The following MAN2B2 variants were observed in gnomAD, a reference collection of about 807,000 sequenced individuals.
MAN2B2 encodes the protein epididymis-specific alpha-mannosidase.
MAN2B2 carries 106 observed loss-of-function variants against 117.1 expected under a neutral mutation model. The ratio of observed to expected loss-of-function variants is 0.90; its 90% CI spans 0.77 to 1.06. The LOEUF is 1.06. Ranked by LOEUF, MAN2B2 falls within the 50% of genes least tolerant of loss-of-function variation. The pLI is 0.00. For synonymous variants in MAN2B2, 544 were observed against 595.1 expected (o/e 0.91, Z 1.25); for missense variants, 1,326 against 1,381.4 (o/e 0.96, Z 0.64).
At chr4:6,587,282 C>T (rs1726675118) in intron 4 of MAN2B2, 114 bp downstream of exon 4, 2 of 1,328,184 alleles carry the variant, frequency 1.5e-6, no homozygotes, top group Non-Finnish European at 2.0e-6. Context: ...AAATTCTTGG[C>T]AGCTGCATAG....
At chr4:6,595,492 G>C (rs1035178750) in intron 7 of MAN2B2, among the ~76,000 whole-genome samples, 1 of 152,206 alleles carries the variant, frequency 6.6e-6, no homozygotes, top group Non-Finnish European at 1.5e-5. Context: ...GGAAGTCCAA[G>C]GTGGAGGGCT....
At chr4:6,615,221 T>A (rs10049503) in intron 16 of MAN2B2, among the ~76,000 whole-genome samples, 1 of 151,624 alleles carries the variant, frequency 6.6e-6, no homozygotes, top group Non-Finnish European at 1.5e-5. Context: ...CATAGGAAGA[T>A]CCTGTGTCTA....
intron 6 of MAN2B2, 138 bp from the exon 7 acceptor site, chr4:6,594,396 T>C: frequency 2.8e-6 from 2 of 725,174 alleles, no homozygotes; most frequent in Non-Finnish European, 4.7e-6. Flanking sequence ...AAGCCACTGC[T>C]ATGGGAGCTG....
chr4:6,619,626 A>G, intron 17 of MAN2B2: 2 of 314,228 alleles, frequency 6.4e-6, no homozygotes, highest in Admixed American at 4.6e-5. Flanking sequence ...GGGAGAGGAG[A>G]ACTCCGCGGT....
At chr4:6,580,344 G>C (rs1002846998) in intron 3 of MAN2B2, among the ~76,000 whole-genome samples, 6 of 152,144 alleles carry the variant, frequency 3.9e-5, no homozygotes, top group Admixed American at 3.3e-4. Flanking sequence ...CTTGCCCTCA[G>C]CCGCCTGCTG....
chr4:6,581,816 A>G (rs1577272648), intron 3 of MAN2B2, among the ~76,000 whole-genome samples: 1 of 151,138 alleles, frequency 6.6e-6, no homozygotes, highest in Non-Finnish European at 1.5e-5. Context: ...CCGTAAGCTC[A>G]CCTTTCCAGC....
intron 11 of MAN2B2, among the ~76,000 whole-genome samples, chr4:6,608,412 C>A (rs1225283255): frequency 6.6e-6 from 1 of 152,230 alleles, no homozygotes; most frequent in Non-Finnish European, 1.5e-5. Context: ...GACTCAGATA[C>A]AAATACATCA....
intron 5 of MAN2B2, among the ~76,000 whole-genome samples, chr4:6,591,791 C>A (rs534884574): frequency 3.5e-4 from 53 of 152,196 alleles, no homozygotes; most frequent in African/African-American, 1.1e-3. Flanking sequence ...CAGGACCCCC[C>A]GGGGGCAGAG....
In MAN2B2 at chr4:6,609,637, G is replaced by T. The variant is rs897136915; in HGVS notation, c.2007-161G>T. The T allele has an allele frequency of 1.2e-4, 103 of 895,474 alleles. No homozygotes were observed. In the African/African-American group the frequency reaches 1.5e-3, roughly 13 times the overall value. The allele number at this position is 895,474 out of a possible 1,614,324, so 55.5% of individuals were successfully genotyped here. A position where few individuals can be genotyped will look rare whatever the true frequency, so the allele number is the denominator to read the frequency against. On this transcript the variant is annotated intron_variant, in intron 12 of 18. Transcript: ENST00000285599. ...GGAACCAGGCTGCTCCCAGCCGCTC[G>T]GGGTCCTGGGTGGTGCTATTGTCCA... is the stretch of plus-strand genomic sequence containing the variant.
At chr4:6,611,572 T>C (rs1159734286) in intron 15 of MAN2B2, among the ~76,000 whole-genome samples, 1 of 152,214 alleles carries the variant, frequency 6.6e-6, no homozygotes, top group East Asian at 1.9e-4. Context: ...TTTCCTTTCT[T>C]AATATGACAT....
chr4:6,593,134 A>G (rs773733757), intron 5 of MAN2B2, 39 bp from the exon 6 acceptor site: 1 of 1,600,990 alleles, frequency 6.2e-7, no homozygotes, highest in South Asian at 1.1e-5. Context: ...CTGTCCACAG[A>G]GTTCGTGTCT....
chr4:6,613,423 T>C (rs896650058), intron 15 of MAN2B2, among the ~76,000 whole-genome samples: 11 of 151,752 alleles, frequency 7.2e-5, no homozygotes, highest in Non-Finnish European at 1.2e-4. Context: ...TACAAAAAAA[T>C]TTTTAAAAAT....
intron 9 of MAN2B2, among the ~76,000 whole-genome samples, chr4:6,600,048 G>A (rs1444312480): frequency 6.6e-6 from 1 of 152,238 alleles, no homozygotes; most frequent in Admixed American, 6.5e-5. Context: ...AGGCAGGGAG[G>A]CTGGAAGTAT....
intron 11 of MAN2B2, among the ~76,000 whole-genome samples, chr4:6,607,433 G>A (rs1727596419): frequency 6.6e-6 from 1 of 152,140 alleles, no homozygotes; most frequent in Admixed American, 6.5e-5. Flanking sequence ...TCAAACTCCT[G>A]AGCTCAAGTG....
chr4:6,600,604 G>A lies in MAN2B2; in HGVS notation c.1406-19G>A. 6.2e-7 allele frequency: 1 copy of A among 1,612,888 alleles called. No individual in the cohort carries two copies. Among genetic ancestry groups the A allele is most frequent in the South Asian group, 1.1e-5 (1 of 91,064 alleles). On this transcript the variant is annotated intron_variant, in intron 9 of 18. Transcript: ENST00000285599. The stretch of plus-strand genomic sequence containing the variant: ...AGGTGAGTCACATGGCACAAGCAAA[G>A]CCTCTTCTCTGTGTGCAGATGCAGG...
chr4:6,592,176 G>C (rs368588303), intron 5 of MAN2B2, among the ~76,000 whole-genome samples: 1 of 152,216 alleles, frequency 6.6e-6, no homozygotes, highest in African/African-American at 2.4e-5. Flanking sequence ...CAAGGCAGAG[G>C]GGGTGAAGAA....
At chr4:6,609,713 CTG>C in intron 12 of MAN2B2, 83 bp from the exon 13 acceptor site, 1 of 1,394,392 alleles carries the variant, frequency 7.2e-7, no homozygotes. Context: ...CCTGCCCACC[CTG>C]CCCACATGAA....
chr4:6,597,799 C>G (rs1039550531), intron 8 of MAN2B2, among the ~76,000 whole-genome samples: 4 of 152,190 alleles, frequency 2.6e-5, no homozygotes, highest in Non-Finnish European at 5.9e-5. Context: ...CCCTACTGTA[C>G]TGATGGGAAA....
Position 6,621,277 on chromosome 4 carries a change from C to A in MAN2B2, c.3022C>A (p.Gln1008Lys), listed in dbSNP as rs1196065843. The A allele has an allele frequency of 2.0e-5, 33 of 1,613,680 alleles. No individual in the cohort carries two copies. Among genetic ancestry groups the A allele is most frequent in the Non-Finnish European group, 2.7e-5 (32 of 1,179,726 alleles). ...EIRTFFIHFQ[Q>K]Q ...CCGGACGTTCTTTATTCACTTTCAA[C>A]AGCAGTGAGCCCTGGGCAGATGCCC... Residue 1008 changes from glutamine (Q) to lysine (K), a missense_variant, in exon 19 of 19, where the codon CAG (glutamine) becomes AAG (lysine). Coordinates refer to ENST00000285599, the MANE Select transcript of MAN2B2 (RefSeq NM_015274.3).
Sources: allele counts gnomAD v4.1 joint callset (sites outside exome capture counted in the v4.1 genomes callset), GRCh38; gene constraint gnomAD v4.1.1; transcripts MANE v1.5; gene names NCBI Gene and HGNC (gene_info 2026-07-23, HGNC 2026-07-21).